The following SOS2 variants were observed in gnomAD, a reference collection of about 807,000 sequenced individuals.
The protein encoded by SOS2 is son of sevenless homolog 2.
SOS2 carries 65 observed loss-of-function variants against 148.2 expected under a neutral mutation model. That is an observed-to-expected ratio of 0.44 (90% CI 0.36 to 0.54). The LOEUF is 0.54. Ranked by LOEUF, SOS2 falls within the 20% of genes least tolerant of loss-of-function variation. SOS2 has a pLI of 0.00. For missense variants in SOS2, 1,341 were observed against 1,590.2 expected, an observed-to-expected ratio of 0.84 and a Z score of 2.67; for synonymous variants, 539 against 537.1, an observed-to-expected ratio of 1.00 and a Z score of -0.05.
At chr14:50,180,302 C>A (rs1355295284) in intron 7 of SOS2, among the ~76,000 whole-genome samples, 1 of 147,320 alleles carries the variant, frequency 6.8e-6, no homozygotes, top group East Asian at 2.0e-4. Context: ...CTGCACCCAG[C>A]CAAATTCATC....
At chr14:50,215,323 T>G in intron 1 of SOS2, 1 of 1,190,942 alleles carries the variant, frequency 8.4e-7, no homozygotes, top group Non-Finnish European at 1.1e-6. Context: ...ACTTCTTAAT[T>G]TCAAATATGA....
chr14:50,224,006 C>T (rs1484222176), intron 1 of SOS2, among the ~76,000 whole-genome samples: 1 of 152,000 alleles, frequency 6.6e-6, no homozygotes, highest in East Asian at 1.9e-4. Flanking sequence ...TAAAAATTGG[C>T]CAGGCGCAGT....
chr14:50,160,450 G>A (rs561756624), intron 9 of SOS2, among the ~76,000 whole-genome samples: 2 of 125,606 alleles, frequency 1.6e-5, no homozygotes, highest in African/African-American at 3.1e-5. Context: ...GCAATGGCAC[G>A]ATCTTGGCTC....
chr14:50,229,136 A>G (rs978335664), intron 1 of SOS2, among the ~76,000 whole-genome samples: 1 of 152,188 alleles, frequency 6.6e-6, no homozygotes, highest in African/African-American at 2.4e-5. Flanking sequence ...GCTCCCTAAG[A>G]GCTACAGCTC....
At chr14:50,224,339 ACACACACAC>A (rs1887297654) in intron 1 of SOS2, among the ~76,000 whole-genome samples, 1 of 147,550 alleles carries the variant, frequency 6.8e-6, no homozygotes, top group African/African-American at 2.5e-5. Context: ...ACACACACAC[ACACACACAC>A]ACACACACAC....
chr14:50,218,218 GAAA>G (rs35149667), intron 1 of SOS2, among the ~76,000 whole-genome samples: 4,364 of 95,784 alleles, frequency 0.046, 136 homozygotes, highest in African/African-American at 0.088. Flanking sequence ...TCGATAAAAG[GAAA>G]AAAAAAAAAA....
intron 14 of SOS2, among the ~76,000 whole-genome samples, chr14:50,145,895 G>A (rs1884450469): frequency 1.3e-5 from 2 of 152,170 alleles, no homozygotes; most frequent in Non-Finnish European, 2.9e-5. Context: ...AGCGCTTTGG[G>A]AGGCCGAGGC....
chr14:50,185,350 A>AAAAATCC (rs1310450669), intron 5 of SOS2, among the ~76,000 whole-genome samples: 2 of 152,162 alleles, frequency 1.3e-5, no homozygotes, highest in Admixed American at 1.3e-4. Flanking sequence ...TGTATGGGGA[A>AAAAATCC]AAAATCCTCA....
intron 16 of SOS2, among the ~76,000 whole-genome samples, chr14:50,140,847 TA>T (rs1471261890): frequency 6.6e-6 from 1 of 152,010 alleles, no homozygotes; most frequent in African/African-American, 2.4e-5. Context: ...CTGCTATATA[TA>T]AAACCAATAG....
Position 50,199,799 on chromosome 14 carries a change from T to C in SOS2, c.402A>G (p.Leu134=), listed in dbSNP as rs1886426259. ...TTAAAATATCAGCTGAGATATACTC[T>C]AGTACAGCCACAATATATAGGGATA... The part of the protein sequence containing the change: ...YHVSLYIVAV[L]EYISADILKL... The change falls in exon 4 of 23, where the codon CTA becomes CTG. Residue 134 remains leucine, a synonymous_variant. Coordinates refer to ENST00000216373, the MANE Select transcript of SOS2 (RefSeq NM_006939.4). 6.3e-7 allele frequency: 1 copy of C among 1,594,932 alleles called. No homozygotes were observed. The highest frequency in any genetic ancestry group is 1.1e-5 in the South Asian group (1 of 90,352).
intron 12 of SOS2, 79 bp downstream of exon 12, chr14:50,156,920 G>T: frequency 2.4e-6 from 2 of 844,428 alleles, no homozygotes; most frequent in Non-Finnish European, 1.8e-6. Flanking sequence ...ACTATATATT[G>T]AAAACTGACA....
chr14:50,201,175 A>C, intron 2 of SOS2, 91 bp from the exon 3 acceptor site: 1 of 1,158,334 alleles, frequency 8.6e-7, no homozygotes, highest in South Asian at 1.3e-5. Flanking sequence ...TCTATTCTTA[A>C]TGCTAGCAGA....
rs1594958845 is a variant in SOS2 at position 50,130,668 on chromosome 14, G to A, written c.3170C>T (p.Thr1057Ile). 1.2e-6 allele frequency: 2 copies of A among 1,614,152 alleles called. No individual in the cohort carries two copies. The highest frequency in any genetic ancestry group is 1.1e-5 in the South Asian group (1 of 91,082). ...STSGTLRGHP[T>I]PLEREPCKIS... ...TTTACATGGTTCTCTTTCTAATGGT[G>A]TTGGGTGACCTCGTAAAGTACCTGA... Residue 1057 changes from threonine (T) to isoleucine (I), a missense_variant, in exon 20 of 23, where the codon ACA (threonine) becomes ATA (isoleucine). By Grantham distance (89) the Thr-to-Ile change is moderately conservative. Transcript: ENST00000216373.
chr14:50,172,763 G>A (rs765607403), intron 8 of SOS2, among the ~76,000 whole-genome samples: 13 of 152,058 alleles, frequency 8.5e-5, no homozygotes, highest in Non-Finnish European at 1.8e-4. Context: ...ATCAGTGAGT[G>A]TTTCTTTTCC....
chr14:50,202,553 G>C (rs1228191686), intron 2 of SOS2, among the ~76,000 whole-genome samples: 1 of 151,972 alleles, frequency 6.6e-6, no homozygotes, highest in Non-Finnish European at 1.5e-5. Flanking sequence ...GCGCAATGTA[G>C]GGAGACCCTG....
intron 19 of SOS2, among the ~76,000 whole-genome samples, chr14:50,131,728 T>C (rs1263277538): frequency 3.3e-5 from 5 of 152,172 alleles, no homozygotes; most frequent in Non-Finnish European, 7.4e-5. Flanking sequence ...ACTAATACTT[T>C]ATGAAAAGTT....
Position 50,199,608 on chromosome 14 carries a change from T to C in SOS2, c.510+83A>G, listed in dbSNP as rs1233409724. On this transcript the variant is annotated intron_variant, in intron 4 of 22. Transcript: ENST00000216373. ...TACTAGCAATTATAAAGATTACTTA[T>C]CTAATAATGTACACAAAAAGATTGA... 1.2e-5 allele frequency: 9 copies of C among 759,122 alleles called. No individual in the cohort carries two copies. The highest frequency in any genetic ancestry group is 2.3e-5 in the South Asian group (1 of 43,016). 47.0% of individuals were successfully genotyped at this position (759,122 alleles called of 1,614,324 possible). A position where few individuals can be genotyped will look rare whatever the true frequency, so the allele number is the denominator to read the frequency against.
intron 5 of SOS2, among the ~76,000 whole-genome samples, chr14:50,184,296 G>A (rs773645193): frequency 1.4e-4 from 21 of 152,018 alleles, no homozygotes; most frequent in Non-Finnish European, 2.8e-4. Context: ...GAAACATCAC[G>A]GGCTTTGGAA....
intron 8 of SOS2, among the ~76,000 whole-genome samples, chr14:50,166,592 T>C (rs1885175360): frequency 6.6e-6 from 1 of 152,192 alleles, no homozygotes; most frequent in African/African-American, 2.4e-5. Flanking sequence ...ATACTCATCA[T>C]TATCCTTAGT....
Sources: allele counts gnomAD v4.1 joint callset (sites outside exome capture counted in the v4.1 genomes callset), GRCh38; gene constraint gnomAD v4.1.1; transcripts MANE v1.5; gene names NCBI Gene and HGNC (gene_info 2026-07-23, HGNC 2026-07-21).